The following RFX7 variants were observed in gnomAD, a reference collection of about 807,000 sequenced individuals.
The protein encoded by RFX7 is regulatory factor X7, also known as DNA-binding protein RFX7.
In RFX7, 26 loss-of-function variants were observed where a neutral mutation model predicts 111.8. The observed-to-expected ratio is 0.23, with a 90% CI of 0.17 to 0.32. The LOEUF is 0.32. Ranked by LOEUF, RFX7 falls within the 10% of genes least tolerant of loss-of-function variation. The probability of loss-of-function intolerance (pLI) is 1.00; values close to 1 mark genes in which losing one functional copy is unlikely to be tolerated. For synonymous variants in RFX7, 624 were observed against 624.4 expected, an observed-to-expected ratio of 1.00 and a Z score of 0.01; for missense variants, 1,573 against 1,772.9, an observed-to-expected ratio of 0.89 and a Z score of 2.02.
At chr15:56,214,786 C>CT (rs2043347327) in intron 2 of RFX7, among the ~76,000 whole-genome samples, 4 of 151,596 alleles carry the variant, frequency 2.6e-5, no homozygotes, top group Non-Finnish European at 2.9e-5. Context: ...CAAGAACCTA[C>CT]TTGTTATTGA....
At chr15:56,229,730 A>G (rs1381146182) in intron 2 of RFX7, among the ~76,000 whole-genome samples, 1 of 152,202 alleles carries the variant, frequency 6.6e-6, no homozygotes, top group Non-Finnish European at 1.5e-5. Flanking sequence ...TGGTGCTAAT[A>G]GGGTCATAAT....
At chr15:56,140,572 T>C (rs1308474939) in intron 5 of RFX7, among the ~76,000 whole-genome samples, 2 of 152,158 alleles carry the variant, frequency 1.3e-5, no homozygotes, top group African/African-American at 4.8e-5. Flanking sequence ...GAAATCACCG[T>C]CTTCTGCGTC....
chr15:56,220,769 T>C (rs1306997942), intron 2 of RFX7, among the ~76,000 whole-genome samples: 1 of 152,202 alleles, frequency 6.6e-6, no homozygotes, highest in Non-Finnish European at 1.5e-5. Context: ...ATGACCAGAA[T>C]GTTATTTCCC....
At chr15:56,144,351 G>T in intron 4 of RFX7, 50 bp downstream of exon 4, 1 of 1,039,892 alleles carries the variant, frequency 9.6e-7, no homozygotes, top group Non-Finnish European at 1.4e-6. Flanking sequence ...ATATATCCTA[G>T]GGACATCCTA....
chr15:56,098,098 C>T lies in RFX7; in HGVS notation c.1090G>A (p.Val364Ile). The change falls in exon 9 of 10, where the codon GTC becomes ATC. Residue 364 changes from valine (V) to isoleucine (I), a missense_variant. This residue lies in a region of RFX7 where 288 missense variants were observed against 337.9 expected (regional missense o/e 0.85). Coordinates refer to ENST00000559447, the MANE Select transcript of RFX7 (RefSeq NM_022841.7). ...PQPIGIVVAA[V>I]PSPIPVQRTR... ...TATATTACCGGAATGGGACTAGGGA[C>T]AGCTGCCACAACGATACCAATAGGT... is the stretch of plus-strand genomic sequence containing the variant. 6.2e-7 allele frequency: 1 copy of T among 1,613,810 alleles called. No homozygotes were observed. Among genetic ancestry groups the T allele is most frequent in the Non-Finnish European group, 8.5e-7 (1 of 1,179,764 alleles).
chr15:56,243,065 C>CCCCCAGGG, intron 2 of RFX7, 60 bp downstream of exon 2: 1 of 1,152,186 alleles, frequency 8.7e-7, no homozygotes, highest in Non-Finnish European at 1.2e-6. Context: ...CGCCCCCCAC[C>CCCCCAGGG]CACTTTGCAG....
In RFX7 at chr15:56,181,815, C is replaced by T. The variant is rs553826837; in HGVS notation, c.162-2512G>A. 3.0e-4 allele frequency among the ~76,000 whole-genome samples: 3 copies of T among 9,952 alleles called. No individual in the cohort carries two copies. In the East Asian group the frequency reaches 9.1e-3, roughly 30 times the overall value. The allele number at this position is 9,952 out of a possible 152,430, so 6.5% of individuals were successfully genotyped here. On this transcript the variant is annotated intron_variant, in intron 2 of 9. Coordinates refer to ENST00000559447, the MANE Select transcript of RFX7 (RefSeq NM_022841.7). ...CTAAAAAATATATGTAAATGATAGC[C>T]TTTTAAAGCAGGGTCCCCAACTCTC...
At chr15:56,179,803 CACACACA>C (rs2042947893) in intron 2 of RFX7, among the ~76,000 whole-genome samples, 1 of 118,092 alleles carries the variant, frequency 8.5e-6, no homozygotes, top group Non-Finnish European at 1.8e-5. Context: ...CACACACACA[CACACACA>C]CACCAGTAAC....
chr15:56,230,726 GA>G (rs2043544697), intron 2 of RFX7, among the ~76,000 whole-genome samples: 1 of 152,222 alleles, frequency 6.6e-6, no homozygotes, highest in African/African-American at 2.4e-5. Context: ...ATGAAGTCAA[GA>G]AAAGGTCAAT....
In RFX7 at chr15:56,111,140, G is replaced by A. The variant is rs1434742024; in HGVS notation, c.402-7470C>T. 3.8e-3 allele frequency among the ~76,000 whole-genome samples: 546 copies of A among 141,882 alleles called. 10 individuals are homozygous for A. The highest frequency in any genetic ancestry group is 0.013 in the African/African-American group (527 of 39,244). The allele number at this position is 141,882 out of a possible 152,430, so 93.1% of individuals were successfully genotyped here. Reference sequence around the variant, plus strand: ...CTCTGCCCGGCCACCACCCCGTCTGGGAGGTTTACCCAACAGCTCATTGAG... The same window carrying A: ...CTCTGCCCGGCCACCACCCCGTCTGAGAGGTTTACCCAACAGCTCATTGAG... On this transcript the variant is annotated intron_variant, in intron 5 of 9. Transcript: ENST00000559447.
intron 5 of RFX7, among the ~76,000 whole-genome samples, chr15:56,108,646 G>C (rs2041863915): frequency 6.6e-6 from 1 of 152,090 alleles, no homozygotes; most frequent in Non-Finnish European, 1.5e-5. Context: ...CACAAGACAA[G>C]AATGTACTCT....
chr15:56,211,408 C>A (rs2043312145), intron 2 of RFX7, among the ~76,000 whole-genome samples: 1 of 152,074 alleles, frequency 6.6e-6, no homozygotes, highest in South Asian at 2.1e-4. Context: ...AAAATTAACT[C>A]AAATGGATTA....
intron 8 of RFX7, among the ~76,000 whole-genome samples, chr15:56,098,736 AT>A (rs1339191969): frequency 9.2e-5 from 14 of 152,256 alleles, no homozygotes; most frequent in African/African-American, 2.6e-4. Context: ...AGGTCAGTAA[AT>A]TTCCCTCCCC....
intron 2 of RFX7, among the ~76,000 whole-genome samples, chr15:56,183,705 C>G (rs1337128628): frequency 6.6e-6 from 1 of 152,114 alleles, no homozygotes; most frequent in Non-Finnish European, 1.5e-5. Flanking sequence ...CTTTGTTTTT[C>G]CAGGTGAATT....
At position 56,144,466 on chromosome 15, in the gene RFX7, A is replaced by G. The variant is rs2042441627; in HGVS notation, c.213T>C (p.Phe71=). 2 of 1,364,436 alleles carry G rather than the reference A, an allele frequency of 1.5e-6. No individual in the cohort carries two copies. Among genetic ancestry groups the G allele is most frequent in the Non-Finnish European group, 2.0e-6 (2 of 1,019,132 alleles). 84.5% of individuals were successfully genotyped at this position (1,364,436 alleles called of 1,614,324 possible). The change falls in exon 4 of 10, where the codon TTT becomes TTC. Residue 71 remains phenylalanine (F), a synonymous_variant. Transcript: ENST00000559447. Reference sequence around the variant, plus strand: ...AGAGGTAGAGTTTCTCTAGGTCTGTAAACTTCTCAACTTCTTGCTATTTAC... The same window carrying G: ...AGAGGTAGAGTTTCTCTAGGTCTGTGAACTTCTCAACTTCTTGCTATTTAC... ...VDCILQEVEK[F]TDLEKLYLYL... is the part of the protein sequence containing the mutation.
chr15:56,119,944 A>C (rs1482549039), intron 5 of RFX7, among the ~76,000 whole-genome samples: 1 of 152,122 alleles, frequency 6.6e-6, no homozygotes, highest in African/African-American at 2.4e-5. Context: ...TAATGTGATT[A>C]GTCCAGTTTT....
intron 5 of RFX7, among the ~76,000 whole-genome samples, chr15:56,141,261 T>A (rs1344536288): frequency 6.7e-6 from 1 of 148,494 alleles, no homozygotes; most frequent in Non-Finnish European, 1.5e-5. Flanking sequence ...GGCAGGAGGA[T>A]CGCTTGAGCC....
At position 56,094,695 on chromosome 15, in the gene RFX7, ACTG is replaced by A. The variant is rs2041646827; in HGVS notation, c.3030_3032del (p.Ser1012del). ...ATTCAACAGGGCTGGGGGGGACACT[ACTG>A]CTGCAGTTAGAATGTGGAGTACCAA... On this transcript the variant is annotated inframe_deletion, in exon 10 of 10. Coordinates refer to ENST00000559447, the MANE Select transcript of RFX7 (RefSeq NM_022841.7). 6.2e-7 allele frequency: 1 copy of A among 1,613,836 alleles called. No homozygotes were observed. Among genetic ancestry groups the A allele is most frequent in the Non-Finnish European group, 8.5e-7 (1 of 1,179,844 alleles).
intron 5 of RFX7, 33 bp downstream of exon 5, chr15:56,142,744 TA>T (rs752926224): frequency 6.3e-7 from 1 of 1,593,250 alleles, no homozygotes; most frequent in Non-Finnish European, 8.6e-7. Flanking sequence ...ACCTCTTTAA[TA>T]TATCAGCATG....
Sources: allele counts gnomAD v4.1 joint callset (sites outside exome capture counted in the v4.1 genomes callset), GRCh38; gene constraint gnomAD v4.1.1; regional missense constraint gnomAD v4.1.1; transcripts MANE v1.5; gene names NCBI Gene and HGNC (gene_info 2026-07-23, HGNC 2026-07-21).